Variants in BUB1 observed in about 807,000 individuals in gnomAD.
BUB1 encodes mitotic checkpoint serine/threonine-protein kinase BUB1.
Under a neutral mutation model 135.2 loss-of-function variants are expected in BUB1, and 84 were observed. The observed-to-expected ratio is 0.62, with a 90% CI of 0.52 to 0.74. The LOEUF (loss-of-function observed/expected upper bound fraction) is 0.74. Among genes scored for constraint, BUB1 ranks in the 30% least tolerant of loss-of-function variants. The pLI is 0.00. For synonymous variants in BUB1, 403 were observed against 434.4 expected (o/e 0.93, Z 0.90); for missense variants, 1,162 against 1,288.3 (o/e 0.90, Z 1.50).
intron 10 of BUB1, chr2:110,660,832 T>C (rs1300598213): frequency 6.6e-6 from 1 of 152,186 alleles, no homozygotes; most frequent in Non-Finnish European, 1.5e-5. Flanking sequence ...CATTTAAAAG[T>C]AATGGTTATC....
intron 5 of BUB1, among the ~76,000 whole-genome samples, chr2:110,669,945 G>T (rs1690371405): frequency 6.6e-6 from 1 of 151,028 alleles, no homozygotes; most frequent in Admixed American, 6.6e-5. Flanking sequence ...GGTCAATTTT[G>T]AATTAAAAAA....
chr2:110,644,058 C>CAAAAAAAAAAAAAAAAAAAAAA (rs58393999), intron 19 of BUB1, among the ~76,000 whole-genome samples: 5 of 39,688 alleles, frequency 1.3e-4, no homozygotes, highest in African/African-American at 3.7e-4. Flanking sequence ...AACTGAAATG[C>CAAAAAAAAAAAAAAAAAAAAAA]AAAAAAAAAA....
intron 23 of BUB1, chr2:110,640,103 C>T: frequency 1.7e-6 from 1 of 572,626 alleles, no homozygotes; most frequent in Non-Finnish European, 3.2e-6. Context: ...TTCTGTCACA[C>T]AGAGGACAAA....
At chr2:110,656,584 T>A (rs1689940367) in intron 15 of BUB1, among the ~76,000 whole-genome samples, 1 of 152,192 alleles carries the variant, frequency 6.6e-6, no homozygotes. Flanking sequence ...TCTCATTACA[T>A]CATATTAGGG....
intron 19 of BUB1, among the ~76,000 whole-genome samples, chr2:110,646,375 G>A (rs960813595): frequency 3.3e-5 from 5 of 149,734 alleles, no homozygotes; most frequent in African/African-American, 1.2e-4. Flanking sequence ...GGGAGGGGCG[G>A]GACAGGGAGG....
Position 110,650,773 on chromosome 2 carries a change from T to C in BUB1, c.1976A>G (p.Glu659Gly), listed in dbSNP as rs749852626. ...CGACAAGGCCTGTTTTGGGCTTTTC[T>C]CTTGAATTGGACTGGACGTGTGAAA... ...SRDGKFSPIQ[E>G]KSPKQALSSH... The change falls in exon 18 of 25, where the codon GAG (glutamate) becomes GGG (glycine). Residue 659 changes from glutamate (E) to glycine (G), a missense_variant. Glu to Gly is a moderately conservative substitution (Grantham distance 98). Transcript: ENST00000302759. 6.2e-7 allele frequency: 1 copy of C among 1,613,906 alleles called. No individual in the cohort carries two copies. The highest frequency in any genetic ancestry group is 2.2e-5 in the East Asian group (1 of 44,888).
intron 1 of BUB1, chr2:110,674,958 G>T (rs545340067): frequency 1.3e-5 from 2 of 158,088 alleles, no homozygotes; most frequent in South Asian, 3.4e-4. Context: ...CTGAGACACG[G>T]CTGGAACGAG....
intron 9 of BUB1, among the ~76,000 whole-genome samples, chr2:110,662,305 G>A (rs1690122468): frequency 6.6e-6 from 1 of 152,110 alleles, no homozygotes; most frequent in African/African-American, 2.4e-5. Context: ...TCACTTTGAA[G>A]AATAGGAAAC....
Position 110,667,596 on chromosome 2 carries a change from G to T in BUB1, c.730C>A (p.Arg244Ser). 1 of 1,613,874 alleles carries T rather than the reference G, an allele frequency of 6.2e-7. No homozygotes were observed. Among genetic ancestry groups the T allele is most frequent in the Non-Finnish European group, 8.5e-7 (1 of 1,179,950 alleles). The change falls in exon 8 of 25, where the codon CGT becomes AGT. Residue 244 changes from arginine to serine, a missense_variant. Transcript: ENST00000302759. ...TCAAAGGAAAATTCTGATTCCCCAC[G>T]AATAAGCTTCTCCTTGCAATACATA... Reference protein sequence around the residue: ...VVMYCKEKLIRGESEFSFEEL... With the variant: ...VVMYCKEKLISGESEFSFEEL...
chr2:110,645,251 T>C (rs1021516976), intron 19 of BUB1, among the ~76,000 whole-genome samples: 1 of 151,928 alleles, frequency 6.6e-6, no homozygotes, highest in African/African-American at 2.4e-5. Context: ...CTGACCAATA[T>C]GGTGAAACCC....
intron 4 of BUB1, among the ~76,000 whole-genome samples, chr2:110,671,152 G>A (rs1460087877): frequency 6.6e-6 from 1 of 152,166 alleles, no homozygotes; most frequent in African/African-American, 2.4e-5. Flanking sequence ...AACCCTTGTT[G>A]GCTCTTAAGT....
Position 110,655,746 on chromosome 2 carries a change from T to A in BUB1, c.1869A>T (p.Glu623Asp), listed in dbSNP as rs1187453688. Reference protein sequence around the residue: ...KLPVESVHILEDKENVVAKQC... With the variant: ...KLPVESVHILDDKENVVAKQC... ...AAACAGTGTAACACACACCTTTATC[T>A]TCTAAAATGTGCACTGACTCCACTG... is the stretch of plus-strand genomic sequence containing the variant. The change falls in exon 16 of 25, where the codon GAA (glutamate) becomes GAT (aspartate). Residue 623 changes from glutamate (E) to aspartate (D), a missense_variant. Physicochemically the swap from Glu to Asp is conservative, Grantham distance 45. Coordinates refer to ENST00000302759, the MANE Select transcript of BUB1 (RefSeq NM_004336.5). 6.2e-7 allele frequency: 1 copy of A among 1,613,052 alleles called. No homozygotes were observed. The highest frequency in any genetic ancestry group is 8.5e-7 in the Non-Finnish European group (1 of 1,179,276).
At chr2:110,661,431 G>C in intron 10 of BUB1, 151 bp downstream of exon 10, 1 of 902,974 alleles carries the variant, frequency 1.1e-6, no homozygotes, top group Non-Finnish European at 1.6e-6. Context: ...GCAATGTTTT[G>C]CCACTTGCTT....
At chr2:110,654,119 C>G (rs1383862593) in intron 16 of BUB1, among the ~76,000 whole-genome samples, 1 of 152,000 alleles carries the variant, frequency 6.6e-6, no homozygotes, top group Non-Finnish European at 1.5e-5. Context: ...ATGACCAGAC[C>G]ATGGGAAGTT....
At chr2:110,658,166 T>C (rs1375337089) in intron 13 of BUB1, among the ~76,000 whole-genome samples, 2 of 151,792 alleles carry the variant, frequency 1.3e-5, no homozygotes, top group African/African-American at 4.8e-5. Flanking sequence ...ACTCAGCCCT[T>C]CTTATCCATG....
chr2:110,653,387 T>A lies in BUB1; in HGVS notation c.1964+49A>T, dbSNP rs748008578. 6 of 1,556,550 alleles carry A rather than the reference T, an allele frequency of 3.9e-6. No individual in the cohort carries two copies. In the Middle Eastern group the frequency reaches 6.7e-4, roughly 174 times the overall value. ...CTAGAATGAAAATGGTAAACAATGT[T>A]AGAATGAAAATGAAGAGAATGGCAG... On this transcript the variant is annotated intron_variant, in intron 17 of 24. Transcript: ENST00000302759.
At chr2:110,668,379 T>C (rs1337545007) in intron 6 of BUB1, among the ~76,000 whole-genome samples, 1 of 152,084 alleles carries the variant, frequency 6.6e-6, no homozygotes, top group Non-Finnish European at 1.5e-5. Context: ...GACAGGACAA[T>C]AGGTGGTCAG....
intron 4 of BUB1, 97 bp from the exon 5 acceptor site, chr2:110,670,665 C>T: frequency 8.1e-7 from 1 of 1,239,172 alleles, no homozygotes. Flanking sequence ...TTATTATAAG[C>T]TAGTAAAGTC....
At chr2:110,667,969 T>A (rs1690310182) in intron 6 of BUB1, 120 bp from the exon 7 acceptor site, 3 of 795,986 alleles carry the variant, frequency 3.8e-6, no homozygotes, top group Non-Finnish European at 6.0e-6. Context: ...CCCAAGTAGA[T>A]TTATGTAATT....
Sources: allele counts gnomAD v4.1 joint callset (sites outside exome capture counted in the v4.1 genomes callset), GRCh38; gene constraint gnomAD v4.1.1; transcripts MANE v1.5; gene names NCBI Gene and HGNC (gene_info 2026-07-23, HGNC 2026-07-21).